The following EP400 variants were observed in gnomAD, a reference collection of about 807,000 sequenced individuals.
EP400 encodes the protein E1A-binding protein p400.
EP400 carries 105 observed loss-of-function variants against 354.1 expected under a neutral mutation model. The observed-to-expected ratio is 0.30, with a 90% CI of 0.25 to 0.35. The LOEUF (loss-of-function observed/expected upper bound fraction) is 0.35, where lower values mean the gene tolerates loss of function less well. Among genes scored for constraint, EP400 ranks in the 10% least tolerant of loss-of-function variants. The probability of loss-of-function intolerance (pLI) is 1.00; values close to 1 mark genes in which losing one functional copy is unlikely to be tolerated. For missense variants in EP400, 3,280 were observed against 4,121.0 expected, an observed-to-expected ratio of 0.80 and a Z score of 5.59; for synonymous variants, 1,646 against 1,716.9, an observed-to-expected ratio of 0.96 and a Z score of 1.02.
At chr12:132,028,354 T>C (rs986106633) in intron 27 of EP400, 66 bp downstream of exon 27, 2 of 1,573,450 alleles carry the variant, frequency 1.3e-6, no homozygotes, top group Non-Finnish European at 1.7e-6. Flanking sequence ...AGACCCCTTC[T>C]TGTCTCGTGG....
In EP400 at chr12:131,996,131, T is replaced by C. The variant is rs117299449; in HGVS notation, c.2827+1175T>C. ...CTTTTTGTAAATATGTGACCGACTC[T>C]TTTTTGTGCTGTTGGTGGCCATTCA... On this transcript the variant is annotated intron_variant, in intron 12 of 52. Coordinates refer to ENST00000389561, the MANE Select transcript of EP400 (RefSeq NM_015409.5). 7.1e-3 allele frequency among the ~76,000 whole-genome samples: 1,079 copies of C among 152,248 alleles called. 35 individuals are homozygous for C. In the South Asian group the frequency reaches 0.093, roughly 13 times the overall value.
chr12:132,032,755 C>T lies in EP400; in HGVS notation c.5951+606C>T, dbSNP rs371993068. On this transcript the variant is annotated intron_variant, in intron 30 of 52. Transcript: ENST00000389561. ...AAGCAATTCTTCTGCCTCAGCCTCC[C>T]GAATAGCTGGGACTACAGGCGTGCA... Among the ~76,000 whole-genome samples the T allele has an allele frequency of 1.6e-3, 242 of 151,952 alleles. 2 individuals carry two copies. Among genetic ancestry groups the T allele is most frequent in the Middle Eastern group, 6.8e-3 (2 of 294 alleles).
chr12:131,964,642 C>T (rs927440756), intron 2 of EP400, among the ~76,000 whole-genome samples: 1 of 152,050 alleles, frequency 6.6e-6, no homozygotes, highest in Admixed American at 6.5e-5. Context: ...TTTAAAAACC[C>T]CTTATATCCT....
At chr12:132,006,970 T>A in intron 15 of EP400, 93 bp downstream of exon 15, 1 of 1,396,910 alleles carries the variant, frequency 7.2e-7, no homozygotes, top group Non-Finnish European at 9.9e-7. Flanking sequence ...CTTGGCTATC[T>A]TATCTACTTC....
intron 30 of EP400, among the ~76,000 whole-genome samples, chr12:132,034,781 T>C (rs1894638351): frequency 6.6e-6 from 1 of 151,528 alleles, no homozygotes; most frequent in Non-Finnish European, 1.5e-5. Flanking sequence ...CATGGCGGAG[T>C]CCAGAGGGAT....
intron 2 of EP400, among the ~76,000 whole-genome samples, chr12:131,970,994 G>A (rs957778810): frequency 6.6e-6 from 1 of 152,132 alleles, no homozygotes; most frequent in Non-Finnish European, 1.5e-5. Flanking sequence ...ACTTGAGACC[G>A]CGTATTCAAG....
chr12:132,066,797 G>A lies in EP400; in HGVS notation c.8577G>A (p.Leu2859=), dbSNP rs770409885. ...ARLTRVPTSQ[L]QAQGQMQTQA... is the part of the protein sequence containing the mutation. ...AGACCCGGGTTCCCACTTCTCAGCT[G>A]CAGGCGCAAGGGCAGATGCAGACCC... Residue 2859 remains leucine (L), a synonymous_variant, in exon 49 of 53, where the codon CTG becomes CTA. Coordinates refer to ENST00000389561, the MANE Select transcript of EP400 (RefSeq NM_015409.5). 80 of 1,613,882 alleles carry A rather than the reference G, an allele frequency of 5.0e-5. No individual in the cohort carries two copies. In the Middle Eastern group the frequency reaches 4.6e-3, roughly 93 times the overall value.
intron 30 of EP400, among the ~76,000 whole-genome samples, chr12:132,035,778 A>C (rs1171230330): frequency 2.7e-5 from 4 of 150,504 alleles, no homozygotes; most frequent in African/African-American, 9.8e-5. Flanking sequence ...AGCCAGGTTC[A>C]CACGGAACGT....
At position 132,037,104 on chromosome 12, in the gene EP400, C is replaced by T. The variant is rs143692936; in HGVS notation, c.5952-578C>T. On this transcript the variant is annotated intron_variant, in intron 30 of 52. Transcript: ENST00000389561. Reference sequence around the variant, plus strand: ...AAGGCAATAGACTGCATGGTCTGTTCTGTGTCCCCAGTGATGGAATCTTGA... The same window carrying T: ...AAGGCAATAGACTGCATGGTCTGTTTTGTGTCCCCAGTGATGGAATCTTGA... Among the ~76,000 whole-genome samples the T allele has an allele frequency of 1.1e-3, 163 of 152,286 alleles. 1 individual carries two copies. Among genetic ancestry groups the T allele is most frequent in the Middle Eastern group, 0.01 (3 of 294 alleles).
intron 12 of EP400, among the ~76,000 whole-genome samples, chr12:131,999,644 G>A (rs914117691): frequency 6.6e-6 from 1 of 151,950 alleles, no homozygotes; most frequent in Admixed American, 6.6e-5. Context: ...TTACCGTGTT[G>A]CCCAGGCTGG....
chr12:132,072,249 C>T (rs948574704), intron 51 of EP400, among the ~76,000 whole-genome samples: 6 of 152,220 alleles, frequency 3.9e-5, no homozygotes, highest in African/African-American at 7.2e-5. Context: ...GTGTGTGCCA[C>T]GATGCCGGGC....
chr12:131,967,502 A>G (rs1427868652), intron 2 of EP400, among the ~76,000 whole-genome samples: 3 of 152,020 alleles, frequency 2.0e-5, no homozygotes, highest in South Asian at 2.1e-4. Context: ...AGCCTGACCA[A>G]CATAGTGAAA....
At position 132,017,472 on chromosome 12, in the gene EP400, G is replaced by A; in HGVS notation, c.3924-63G>A. The A allele has an allele frequency of 6.4e-7, 1 of 1,558,480 alleles. No homozygotes were observed. The highest frequency in any genetic ancestry group is 1.2e-5 in the South Asian group (1 of 86,826). On this transcript the variant is annotated intron_variant, in intron 19 of 52. Coordinates refer to ENST00000389561, the MANE Select transcript of EP400 (RefSeq NM_015409.5). The surrounding 1 kb of genome is among the most constrained non-coding windows in gnomAD (Gnocchi z 5.0). ...CTGGAGTTGGGACAGTCGATGGTGA[G>A]GGTGGGACTATGTCCATGTGCCGTT...
chr12:132,047,358 G>T (rs576355780), intron 39 of EP400, among the ~76,000 whole-genome samples: 1 of 152,244 alleles, frequency 6.6e-6, no homozygotes, highest in African/African-American at 2.4e-5. Flanking sequence ...ATTGTATTGG[G>T]GGAACCTGCC....
chr12:132,067,545 G>C lies in EP400; in HGVS notation c.8874+59G>C, dbSNP rs1895931889. On this transcript the variant is annotated intron_variant, in intron 50 of 52. Transcript: ENST00000389561. The surrounding 1 kb of genome is among the most constrained non-coding windows in gnomAD (Gnocchi z 5.3). ...TATGCCAAGCCAAAGCTGGCTGCTGGAGGAGAGGGTCCTAAGCAGACAAAT... is the reference window on the plus strand; with the variant it reads ...TATGCCAAGCCAAAGCTGGCTGCTGCAGGAGAGGGTCCTAAGCAGACAAAT... 6.3e-7 allele frequency: 1 copy of C among 1,580,228 alleles called. No individual in the cohort carries two copies. The highest frequency in any genetic ancestry group is 1.1e-5 in the South Asian group (1 of 88,490).
chr12:131,959,010 G>A (rs1891792888), intron 1 of EP400, among the ~76,000 whole-genome samples: 1 of 152,222 alleles, frequency 6.6e-6, no homozygotes, highest in Admixed American at 6.5e-5. Context: ...GCACCTGGGT[G>A]TGTCCAGCAG....
At chr12:131,960,103 T>C (rs529937649) in intron 1 of EP400, among the ~76,000 whole-genome samples, 16 of 152,306 alleles carry the variant, frequency 1.1e-4, no homozygotes, top group African/African-American at 3.1e-4. Flanking sequence ...TGTCCCTCCA[T>C]AGGGAGAGAC....
intron 2 of EP400, among the ~76,000 whole-genome samples, chr12:131,974,777 C>G (rs1892412048): frequency 6.6e-6 from 1 of 151,956 alleles, no homozygotes; most frequent in Admixed American, 6.6e-5. Context: ...ATCACGAGGT[C>G]AGGAATTCAA....
rs148598398 is a variant in EP400, at chr12:132,041,466, G to A, written c.6208-1838G>A. Among the ~76,000 whole-genome samples the A allele has an allele frequency of 3.5e-3, 535 of 152,332 alleles. 3 individuals are homozygous for A. Among genetic ancestry groups the A allele is most frequent in the Non-Finnish European group, 6.9e-3 (470 of 68,036 alleles). ...CCGCCTGCTTCTGCACTTTCCATACGTGGAGCCTCTTCCTTCGGGTCTGCC... is the reference window on the plus strand; with the variant it reads ...CCGCCTGCTTCTGCACTTTCCATACATGGAGCCTCTTCCTTCGGGTCTGCC... On this transcript the variant is annotated intron_variant, in intron 32 of 52. Coordinates refer to ENST00000389561, the MANE Select transcript of EP400 (RefSeq NM_015409.5).
Sources: allele counts gnomAD v4.1 joint callset (sites outside exome capture counted in the v4.1 genomes callset), GRCh38; gene constraint gnomAD v4.1.1; non-coding constraint Gnocchi (gnomAD v3.1); transcripts MANE v1.5; gene names NCBI Gene and HGNC (gene_info 2026-07-23, HGNC 2026-07-21).